The following NEBL variants were observed in gnomAD, a reference collection of about 807,000 sequenced individuals.
NEBL encodes nebulette.
A neutral mutation model predicts 140.2 loss-of-function variants in NEBL; 122 were observed. The observed-to-expected ratio is 0.87, with a 90% CI of 0.75 to 1.01. NEBL has a LOEUF of 1.01. Ranked by LOEUF, NEBL falls within the 50% of genes least tolerant of loss-of-function variation. The pLI is 0.00. For synonymous variants in NEBL, 436 were observed against 398.9 expected, an observed-to-expected ratio of 1.09 and a Z score of -1.11; for missense variants, 1,365 against 1,231.3, an observed-to-expected ratio of 1.11 and a Z score of -1.62.
intron 18 of NEBL, 121 bp from the exon 19 acceptor site, chr10:20,823,421 T>C: frequency 5.8e-6 from 4 of 691,350 alleles, no homozygotes; most frequent in Non-Finnish European, 9.4e-6. Context: ...TTACTTTTCC[T>C]TCACTGGGGA....
At chr10:21,260,615 C>G (rs1012621069) in intron 1 of NEBL, among the ~76,000 whole-genome samples, 1 of 152,100 alleles carries the variant, frequency 6.6e-6, no homozygotes. Context: ...CCCTGTTTTC[C>G]CTTTCCAAGT....
At chr10:20,962,353 A>G (rs1836090480) in intron 3 of NEBL, among the ~76,000 whole-genome samples, 1 of 152,274 alleles carries the variant, frequency 6.6e-6, no homozygotes, top group Admixed American at 6.5e-5. Context: ...GGATACAATT[A>G]CACAATGCTG....
intron 4 of NEBL, among the ~76,000 whole-genome samples, chr10:20,906,264 A>G (rs1564436562): frequency 6.6e-6 from 1 of 152,160 alleles, no homozygotes; most frequent in Non-Finnish European, 1.5e-5. Context: ...AGTGATGTCA[A>G]TGTTCCTTCT....
chr10:21,125,899 T>G, intron 2 of NEBL: 1 of 1,614,204 alleles, frequency 6.2e-7, no homozygotes, highest in Non-Finnish European at 8.5e-7. Context: ...AAATCCATGC[T>G]TCCCTTTGGT....
chr10:20,843,305 A>C (rs570758608), intron 12 of NEBL, among the ~76,000 whole-genome samples: 7 of 152,196 alleles, frequency 4.6e-5, no homozygotes, highest in Admixed American at 2.0e-4. Flanking sequence ...CTTTGAGAAA[A>C]GTCTGTTGGT....
chr10:21,223,008 C>T (rs899241773), intron 3 of NEBL, among the ~76,000 whole-genome samples: 1 of 152,228 alleles, frequency 6.6e-6, no homozygotes, highest in Non-Finnish European at 1.5e-5. Flanking sequence ...GGTGATCCAC[C>T]CACCTTGGCT....
chr10:21,029,887 G>C, intron 2 of NEBL: 1 of 648,558 alleles, frequency 1.5e-6, no homozygotes, highest in Non-Finnish European at 2.8e-6. Context: ...AGGAGGCAGG[G>C]ACCGCTATGA....
intron 1 of NEBL, among the ~76,000 whole-genome samples, chr10:21,253,646 C>T (rs1343297891): frequency 2.7e-5 from 4 of 150,514 alleles, no homozygotes; most frequent in African/African-American, 7.3e-5. Context: ...TGGGTTCAAG[C>T]GCTTCTCCTG....
At chr10:21,185,693 C>T (rs750820064) in intron 3 of NEBL, among the ~76,000 whole-genome samples, 91 of 151,844 alleles carry the variant, frequency 6.0e-4, no homozygotes, top group African/African-American at 9.7e-4. Context: ...GACGGGGTTT[C>T]GCCATGTTGG....
rs1588664678 is a variant in NEBL, at chr10:20,812,861, A to G, written c.2426T>C (p.Val809Ala). Residue 809 changes from valine (V) to alanine (A), a missense_variant, in exon 24 of 28, where the codon GTG becomes GCG. Physicochemically the swap from Val to Ala is moderately conservative, Grantham distance 64. Transcript: ENST00000377122. The stretch of plus-strand genomic sequence containing the variant: ...GCTGACCACCTGGGTGTTCTTCCTC[A>G]CTCTCTCTGTCACAGGATCGTCCAC... The part of the protein sequence containing the change: ...PVVDDPVTER[V>A]RKNTQVVSDA... 6.2e-7 allele frequency: 1 copy of G among 1,613,328 alleles called. No individual in the cohort carries two copies.
chr10:20,830,139 T>C (rs940549222), intron 16 of NEBL, among the ~76,000 whole-genome samples: 2 of 152,120 alleles, frequency 1.3e-5, no homozygotes, highest in African/African-American at 4.8e-5. Flanking sequence ...GGCACACAAG[T>C]CCTCTGACAT....
intron 26 of NEBL, among the ~76,000 whole-genome samples, chr10:20,799,869 T>C (rs894930033): frequency 1.3e-5 from 2 of 152,182 alleles, no homozygotes; most frequent in African/African-American, 2.4e-5. Context: ...GGGATACATA[T>C]ACGTGGTAAA....
chr10:20,796,455 A>T (rs1588619483), intron 26 of NEBL, among the ~76,000 whole-genome samples: 1 of 151,370 alleles, frequency 6.6e-6, no homozygotes, highest in East Asian at 1.9e-4. Context: ...AACACACAAC[A>T]TTAGTTGTAT....
At chr10:20,802,984 AACCCGG>A (rs1318081299) in intron 26 of NEBL, among the ~76,000 whole-genome samples, 6 of 152,180 alleles carry the variant, frequency 3.9e-5, no homozygotes, top group Non-Finnish European at 7.3e-5. Flanking sequence ...CCCCTTTGAT[AACCCGG>A]ACCAAGTCGT....
At chr10:21,201,277 G>A (rs370010857) in intron 3 of NEBL, among the ~76,000 whole-genome samples, 11 of 152,056 alleles carry the variant, frequency 7.2e-5, no homozygotes, top group African/African-American at 2.2e-4. Context: ...TGCCTGTGTC[G>A]GGCTTTCTCT....
chr10:20,889,014 G>T (rs1387892469), intron 3 of NEBL, among the ~76,000 whole-genome samples: 2 of 152,108 alleles, frequency 1.3e-5, no homozygotes, highest in East Asian at 3.8e-4. Flanking sequence ...TTGGATTTTG[G>T]TACTTAATGA....
intron 17 of NEBL, among the ~76,000 whole-genome samples, chr10:20,828,098 T>C (rs141699718): frequency 1.4e-3 from 213 of 152,024 alleles, no homozygotes; most frequent in Non-Finnish European, 1.7e-3. Context: ...AAAGTGCTGA[T>C]GCAATTCCTC....
intron 4 of NEBL, among the ~76,000 whole-genome samples, chr10:20,948,487 G>A (rs1443950312): frequency 1.3e-5 from 2 of 152,124 alleles, no homozygotes; most frequent in Non-Finnish European, 2.9e-5. Context: ...GTTATTTAAT[G>A]TATCAAATGC....
In NEBL at chr10:20,889,916, C is replaced by A. The variant is rs1307043925; in HGVS notation, c.187G>T (p.Asp63Tyr). 1 of 1,610,154 alleles carries A rather than the reference C, an allele frequency of 6.2e-7. No individual in the cohort carries two copies. Among genetic ancestry groups the A allele is most frequent in the Non-Finnish European group, 8.5e-7 (1 of 1,177,424 alleles). ...RYKEEFKKSK[D>Y]KCTFVTDSPM... ...CTGTCAGTCACAAATGTACACTTATCCTTGGACTTTTTAAACTCTTCTTTA... is the reference window on the plus strand; with the variant it reads ...CTGTCAGTCACAAATGTACACTTATACTTGGACTTTTTAAACTCTTCTTTA... Residue 63 changes from aspartate (D) to tyrosine (Y), a missense_variant, in exon 3 of 28, where the codon GAT (aspartate) becomes TAT (tyrosine). By Grantham distance (160) the Asp-to-Tyr change is radical. Around this residue, in one of 2 missense-constraint regions of NEBL, gnomAD observed 1,323 missense variants for 1,154.8 expected, o/e 1.15. Transcript: ENST00000377122.
Sources: gnomAD v4.1 joint callset for allele counts (sites outside exome capture counted in the v4.1 genomes callset) on GRCh38, gnomAD v4.1.1 for gene constraint, gnomAD v4.1.1 regional missense constraint, MANE v1.5 for transcripts, NCBI Gene and HGNC (gene_info 2026-07-23, HGNC 2026-07-21) for gene names.